The following ZNF248 variants were observed in gnomAD, a reference collection of about 807,000 sequenced individuals.
The protein encoded by ZNF248 is zinc finger protein 248, also known as KRAB protein domain.
Under a neutral mutation model 44.3 loss-of-function variants are expected in ZNF248, and 20 were observed. That is an observed-to-expected ratio of 0.45 (90% confidence interval 0.32 to 0.66). The LOEUF (loss-of-function observed/expected upper bound fraction) is 0.66. Ranked by LOEUF, ZNF248 falls within the 30% of genes least tolerant of loss-of-function variation. ZNF248 has a pLI of 0.04. For synonymous variants in ZNF248, 224 were observed against 229.0 expected (o/e 0.98, Z 0.20); for missense variants, 654 against 677.0 (o/e 0.97, Z 0.38).
chr10:37,795,949 T>C (rs925543795), intron 6 of ZNF248: 3 of 152,188 alleles, frequency 2.0e-5, no homozygotes, highest in Non-Finnish European at 2.9e-5. Flanking sequence ...CCCAGACTTT[T>C]TCTAGAATAG....
rs1269111884 is a variant in ZNF248 at position 37,828,838 on chromosome 10, C to T, written c.*2777G>A. ...ACACCACATACAATAAGAAACACCA[C>T]AGGGAGGTATGAATAATGTAATTTA... On this transcript the variant is annotated 3_prime_UTR_variant, in exon 6 of 6. Coordinates refer to ENST00000395867, the MANE Select transcript of ZNF248 (RefSeq NM_021045.3). 1.0e-6 allele frequency: 1 copy of T among 985,388 alleles called. No homozygotes were observed. Among genetic ancestry groups the T allele is most frequent in the Non-Finnish European group, 1.2e-6 (1 of 829,934 alleles). 61.0% of individuals were successfully genotyped at this position (985,388 alleles called of 1,614,324 possible). A position where few individuals can be genotyped will look rare whatever the true frequency, so the allele number is the denominator to read the frequency against.
In ZNF248 at chr10:37,854,255, A is replaced by G. The variant is rs542970231; in HGVS notation, c.15+2041T>C. On this transcript the variant is annotated intron_variant, in intron 3 of 5. Transcript: ENST00000395867. ...AAGATTAATAAACTGGACAACAAAAATAACCAAATATTTCTGCATAGGGAA... is the reference window on the plus strand; with the variant it reads ...AAGATTAATAAACTGGACAACAAAAGTAACCAAATATTTCTGCATAGGGAA... Among the ~76,000 whole-genome samples the G allele has an allele frequency of 1.0e-3, 159 of 152,354 alleles. 1 individual carries two copies. The South Asian group carries it at 0.032, about 31-fold the overall frequency.
chr10:37,840,207 G>T (rs1340195379), intron 3 of ZNF248, among the ~76,000 whole-genome samples: 1 of 152,106 alleles, frequency 6.6e-6, no homozygotes, highest in African/African-American at 2.4e-5. Context: ...TTCATGTTTT[G>T]CTCTGCAAAA....
chr10:37,853,207 C>G (rs1208641737), intron 3 of ZNF248, among the ~76,000 whole-genome samples: 1 of 152,048 alleles, frequency 6.6e-6, no homozygotes, highest in Non-Finnish European at 1.5e-5. Flanking sequence ...TGCCAAAATA[C>G]TACAGGATAA....
chr10:37,823,053 T>G (rs1434849933), intron 6 of ZNF248, among the ~76,000 whole-genome samples: 4 of 152,014 alleles, frequency 2.6e-5, no homozygotes, highest in Non-Finnish European at 5.9e-5. Context: ...ATGCAAACAG[T>G]GGCTGGGCAC....
chr10:37,804,424 T>TTTTATGTA (rs1398412181), intron 6 of ZNF248, among the ~76,000 whole-genome samples: 2 of 151,882 alleles, frequency 1.3e-5, no homozygotes, highest in African/African-American at 4.8e-5. Flanking sequence ...ATCTTATTTA[T>TTTTATGTA]TTTATGTATT....
At chr10:37,802,972 G>A (rs2133236381) in intron 6 of ZNF248, 1 of 152,152 alleles carries the variant, frequency 6.6e-6, no homozygotes, top group East Asian at 1.9e-4. Flanking sequence ...AGAACTACAA[G>A]TGCGCACCAC....
chr10:37,836,138 A>C (rs2057112685), intron 5 of ZNF248, among the ~76,000 whole-genome samples: 1 of 152,050 alleles, frequency 6.6e-6, no homozygotes, highest in African/African-American at 2.4e-5. Context: ...TATTTGTACA[A>C]ACCTACCACT....
the ZNF248 span, among the ~76,000 whole-genome samples, chr10:37,768,717 A>G: frequency 6.6e-6 from 1 of 152,194 alleles, no homozygotes; most frequent in African/African-American, 2.4e-5. Flanking sequence ...AAGAACTAGA[A>G]AAGCAAGAGC....
Position 37,829,460 on chromosome 10 carries a change from C to T in ZNF248, c.*2155G>A, listed in dbSNP as rs527876070. On this transcript the variant is annotated 3_prime_UTR_variant, in exon 6 of 6. Transcript: ENST00000395867. Reference sequence around the variant, plus strand: ...TAACTTGTGAAAAGAAATAATTCTTCCCCCTAATTACCATATAGAACATTA... The same window carrying T: ...TAACTTGTGAAAAGAAATAATTCTTTCCCCTAATTACCATATAGAACATTA... 4.3e-5 allele frequency: 42 copies of T among 985,260 alleles called. No homozygotes were observed. Among genetic ancestry groups the T allele is most frequent in the South Asian group, 9.4e-5 (2 of 21,288 alleles). 61.0% of individuals were successfully genotyped at this position (985,260 alleles called of 1,614,324 possible). A position where few individuals can be genotyped will look rare whatever the true frequency, so the allele number is the denominator to read the frequency against.
At chr10:37,779,392 A>G (rs2132849564) in intron 6 of ZNF248, among the ~76,000 whole-genome samples, 1 of 152,286 alleles carries the variant, frequency 6.6e-6, no homozygotes, top group East Asian at 1.9e-4. Context: ...TCCAGCATAT[A>G]AACAGAGCCA....
chr10:37,778,485 T>C (rs1052638254), intron 6 of ZNF248, among the ~76,000 whole-genome samples: 3 of 151,810 alleles, frequency 2.0e-5, no homozygotes, highest in Non-Finnish European at 4.4e-5. Flanking sequence ...ATTTTGTAGG[T>C]TGCCTGTTCA....
In ZNF248 at chr10:37,830,022, G is replaced by A. The variant is rs2055197098; in HGVS notation, c.*1593C>T. On this transcript the variant is annotated 3_prime_UTR_variant, in exon 6 of 6. Transcript: ENST00000395867. Reference sequence around the variant, plus strand: ...GAACTGCTGACCAATGTGTTCCAAGGGGGCAAAAGAAACAACAGGACAAGG... The same window carrying A: ...GAACTGCTGACCAATGTGTTCCAAGAGGGCAAAAGAAACAACAGGACAAGG... 1 of 985,318 alleles carries A rather than the reference G, an allele frequency of 1.0e-6. No homozygotes were observed. The highest frequency in any genetic ancestry group is 1.2e-6 in the Non-Finnish European group (1 of 829,936). 61.0% of individuals were successfully genotyped at this position (985,318 alleles called of 1,614,324 possible).
At chr10:37,816,337 A>G (rs1291103400) in intron 6 of ZNF248, among the ~76,000 whole-genome samples, 3 of 152,230 alleles carry the variant, frequency 2.0e-5, no homozygotes, top group Admixed American at 6.5e-5. Flanking sequence ...CAGTTCCCCA[A>G]TATTTGCAGG....
chr10:37,828,162 G>T, downstream of ZNF248, among the ~76,000 whole-genome samples: 1 of 152,168 alleles, frequency 6.6e-6, no homozygotes, highest in South Asian at 2.1e-4. Flanking sequence ...AGGGTCTCAC[G>T]AAACAGAATT....
intron 6 of ZNF248, among the ~76,000 whole-genome samples, chr10:37,787,739 G>A (rs1234326959): frequency 6.6e-6 from 1 of 151,788 alleles, no homozygotes; most frequent in Non-Finnish European, 1.5e-5. Context: ...AGAGCTAAAA[G>A]TATAAAATTT....
At chr10:37,848,726 G>A (rs1298133538) in intron 3 of ZNF248, among the ~76,000 whole-genome samples, 1 of 152,162 alleles carries the variant, frequency 6.6e-6, no homozygotes, top group Non-Finnish European at 1.5e-5. Context: ...CCACCAGCTT[G>A]GAGATGTTCT....
chr10:37,852,073 C>A (rs1358285079), intron 3 of ZNF248, among the ~76,000 whole-genome samples: 1 of 151,984 alleles, frequency 6.6e-6, no homozygotes, highest in Non-Finnish European at 1.5e-5. Context: ...CATGGAGAAA[C>A]CCTGTCTCTA....
chr10:37,781,594 G>C (rs2047328510), intron 6 of ZNF248, among the ~76,000 whole-genome samples: 1 of 150,830 alleles, frequency 6.6e-6, no homozygotes, highest in Non-Finnish European at 1.5e-5. Context: ...ACCCAGTCTG[G>C]GCCTCCTCGG....
Sources: allele counts gnomAD v4.1 joint callset (sites outside exome capture counted in the v4.1 genomes callset), GRCh38; gene constraint gnomAD v4.1.1; transcripts MANE v1.5; gene names NCBI Gene and HGNC (gene_info 2026-07-23, HGNC 2026-07-21).